Variants in CRY1 observed in about 807,000 individuals in gnomAD.
CRY1 encodes the protein cryptochrome-1.
CRY1 carries 45 observed loss-of-function variants against 76.0 expected under a neutral mutation model. The observed-to-expected ratio is 0.59, with a 90% CI of 0.47 to 0.76. CRY1 has a LOEUF of 0.76. CRY1 is among the 30% of genes least tolerant of loss of function. The pLI is 0.00. For missense variants in CRY1, 587 were observed against 716.4 expected (o/e 0.82, Z 2.06); for synonymous variants, 248 against 244.0 (o/e 1.02, Z -0.15).
rs565354415 is a variant in CRY1, at chr12:107,005,029, T to C, written c.410+77A>G. 1.3e-5 allele frequency: 18 copies of C among 1,401,970 alleles called. No homozygotes were observed. The East Asian group carries it at 3.9e-4, about 31-fold the overall frequency. The allele number at this position is 1,401,970 out of a possible 1,614,324, so 86.8% of individuals were successfully genotyped here. ...CTATGTAGTTAATACCACCGAACTA[T>C]ATACTTAAAAATGGTTAAGATGGTA... On this transcript the variant is annotated intron_variant, in intron 3 of 12. Transcript: ENST00000008527.
chr12:107,059,530 G>A (rs1953024611), intron 1 of CRY1, among the ~76,000 whole-genome samples: 1 of 151,692 alleles, frequency 6.6e-6, no homozygotes, highest in Admixed American at 6.6e-5. Flanking sequence ...TGAGATTACA[G>A]GCATGAGCTA....
At chr12:107,013,256 T>C (rs1048293775) in intron 2 of CRY1, among the ~76,000 whole-genome samples, 1 of 152,126 alleles carries the variant, frequency 6.6e-6, no homozygotes, top group African/African-American at 2.4e-5. Context: ...ACCACAACCA[T>C]CAGCAACCAC....
chr12:107,071,007 A>G (rs1447437183), intron 1 of CRY1, among the ~76,000 whole-genome samples: 1 of 151,708 alleles, frequency 6.6e-6, no homozygotes, highest in Non-Finnish European at 1.5e-5. Context: ...CCCGGCCTGG[A>G]TTCTCTTATT....
At chr12:107,057,921 GGGCATGGT>G (rs1953003075) in intron 1 of CRY1, among the ~76,000 whole-genome samples, 1 of 151,766 alleles carries the variant, frequency 6.6e-6, no homozygotes, top group African/African-American at 2.4e-5. Flanking sequence ...AAAATTAGCT[GGGCATGGT>G]GGCATGTGCC....
At chr12:107,012,739 G>C (rs868821657) in intron 2 of CRY1, among the ~76,000 whole-genome samples, 9 of 152,282 alleles carry the variant, frequency 5.9e-5, no homozygotes, top group Middle Eastern at 6.8e-3. Context: ...ATGCCAATAA[G>C]AACACTTGTG....
At chr12:107,075,397 T>C (rs1014061833) in intron 1 of CRY1, among the ~76,000 whole-genome samples, 2 of 152,104 alleles carry the variant, frequency 1.3e-5, no homozygotes, top group African/African-American at 4.8e-5. Flanking sequence ...CCAAAAAAGT[T>C]TGTCTAATTA....
At chr12:107,064,658 C>T (rs1409768347) in intron 1 of CRY1, among the ~76,000 whole-genome samples, 1 of 152,098 alleles carries the variant, frequency 6.6e-6, no homozygotes, top group Non-Finnish European at 1.5e-5. Context: ...GGGCAGAATC[C>T]ACACAATATC....
intron 2 of CRY1, among the ~76,000 whole-genome samples, chr12:107,016,200 C>T (rs1184091753): frequency 6.6e-6 from 1 of 152,156 alleles, no homozygotes; most frequent in Admixed American, 6.5e-5. Flanking sequence ...GTCCCAGCTA[C>T]TCAGTAGGCT....
intron 1 of CRY1, among the ~76,000 whole-genome samples, chr12:107,028,965 A>G (rs950499031): frequency 1.3e-5 from 2 of 152,238 alleles, no homozygotes; most frequent in African/African-American, 2.4e-5. Flanking sequence ...GTTTATACAT[A>G]AAGATTTAGG....
At chr12:106,997,175 C>A in intron 10 of CRY1, 119 bp downstream of exon 10, 1 of 886,768 alleles carries the variant, frequency 1.1e-6, no homozygotes, top group East Asian at 2.4e-5. Flanking sequence ...TACAAAGAAT[C>A]TATTAAGCTA....
At chr12:107,063,987 GAT>G (rs1435212664) in intron 1 of CRY1, among the ~76,000 whole-genome samples, 2 of 152,026 alleles carry the variant, frequency 1.3e-5, no homozygotes, top group Non-Finnish European at 2.9e-5. Flanking sequence ...CGCCACCCTG[GAT>G]ATTACTTCTT....
intron 1 of CRY1, among the ~76,000 whole-genome samples, chr12:107,077,039 T>C (rs1953263695): frequency 6.6e-6 from 1 of 152,106 alleles, no homozygotes; most frequent in South Asian, 2.1e-4. Flanking sequence ...TTTCTTTATA[T>C]ATAACTCAGT....
intron 2 of CRY1, among the ~76,000 whole-genome samples, chr12:107,012,712 A>T (rs1199668472): frequency 6.6e-6 from 1 of 152,230 alleles, no homozygotes; most frequent in South Asian, 2.1e-4. Flanking sequence ...ATCTTTGGAA[A>T]GGATTCACCA....
rs1039587374 is a variant in CRY1 at position 106,991,896 on chromosome 12, T to A, written c.*106A>T. ...TGTCATTAGAAACAACATATTTCAA[T>A]ATGTAACTGCTTTCCATCAATGAAG... On this transcript the variant is annotated 3_prime_UTR_variant, in exon 13 of 13. Coordinates refer to ENST00000008527, the MANE Select transcript of CRY1 (RefSeq NM_004075.5). 2.0e-5 allele frequency: 3 copies of A among 152,592 alleles called. No individual in the cohort carries two copies. The highest frequency in any genetic ancestry group is 7.2e-5 in the African/African-American group (3 of 41,452). 9.5% of individuals were successfully genotyped at this position (152,592 alleles called of 1,614,324 possible).
intron 1 of CRY1, among the ~76,000 whole-genome samples, chr12:107,033,017 A>G (rs1419096324): frequency 6.6e-6 from 1 of 152,202 alleles, no homozygotes; most frequent in East Asian, 1.9e-4. Context: ...AAGAATAATT[A>G]AGAAAAAAAA....
intron 2 of CRY1, among the ~76,000 whole-genome samples, chr12:107,019,312 T>C (rs1366369232): frequency 6.6e-6 from 1 of 152,176 alleles, no homozygotes; most frequent in African/African-American, 2.4e-5. Flanking sequence ...TCTATGGCTC[T>C]AGATATGGTA....
chr12:107,059,321 A>T (rs1490545857), intron 1 of CRY1, among the ~76,000 whole-genome samples: 1 of 152,192 alleles, frequency 6.6e-6, no homozygotes, highest in Non-Finnish European at 1.5e-5. Flanking sequence ...GCATGATCAC[A>T]GCTCACTGCA....
intron 1 of CRY1, among the ~76,000 whole-genome samples, chr12:107,022,611 C>T (rs1272054683): frequency 6.6e-6 from 1 of 150,842 alleles, no homozygotes. Flanking sequence ...CCAGAAACAT[C>T]CTATGTAATG....
At chr12:107,027,320 T>C (rs986638200) in intron 1 of CRY1, among the ~76,000 whole-genome samples, 2 of 152,216 alleles carry the variant, frequency 1.3e-5, no homozygotes, top group Non-Finnish European at 2.9e-5. Context: ...TGAAAATACA[T>C]ATGATATCAT....
Sources: allele counts gnomAD v4.1 joint callset (sites outside exome capture counted in the v4.1 genomes callset), GRCh38; gene constraint gnomAD v4.1.1; transcripts MANE v1.5; gene names NCBI Gene and HGNC (gene_info 2026-07-23, HGNC 2026-07-21).